The following ETV6 variants were observed in gnomAD, a reference collection of about 807,000 sequenced individuals.
The protein encoded by ETV6 is ETS variant transcription factor 6.
Under a neutral mutation model 51.1 loss-of-function variants are expected in ETV6, and 16 were observed. The observed-to-expected ratio is 0.31, with a 90% CI of 0.21 to 0.48. The LOEUF (loss-of-function observed/expected upper bound fraction) is 0.48. Ranked by LOEUF, ETV6 falls within the 20% of genes least tolerant of loss-of-function variation. The pLI, the probability that ETV6 is intolerant of heterozygous loss-of-function variation, is 0.99. For missense variants in ETV6, 458 were observed against 594.8 expected (o/e 0.77, Z 2.39); for synonymous variants, 240 against 224.1 (o/e 1.07, Z -0.64).
intron 5 of ETV6, among the ~76,000 whole-genome samples, chr12:11,877,927 C>T (rs1400159532): frequency 6.6e-6 from 1 of 152,206 alleles, no homozygotes; most frequent in Non-Finnish European, 1.5e-5. Flanking sequence ...GCTGAGCTGC[C>T]ATCCTGCCCA....
At chr12:11,755,266 A>C (rs1944990362) in intron 2 of ETV6, among the ~76,000 whole-genome samples, 3 of 152,226 alleles carry the variant, frequency 2.0e-5, no homozygotes, top group African/African-American at 7.2e-5. Flanking sequence ...AGACAGCTAT[A>C]AAATATAGAA....
intron 2 of ETV6, among the ~76,000 whole-genome samples, chr12:11,813,386 C>G (rs1221330261): frequency 6.6e-6 from 1 of 152,194 alleles, no homozygotes; most frequent in South Asian, 2.1e-4. Flanking sequence ...TCTGAGCAAC[C>G]CAGCTCTTGC....
intron 5 of ETV6, among the ~76,000 whole-genome samples, chr12:11,883,194 C>T (rs773456913): frequency 9.4e-5 from 14 of 149,478 alleles, no homozygotes; most frequent in South Asian, 8.5e-4. Flanking sequence ...TCTCCAGGTT[C>T]TGCTGGAGGG....
chr12:11,758,031 G>A (rs924136095), intron 2 of ETV6, among the ~76,000 whole-genome samples: 2 of 152,180 alleles, frequency 1.3e-5, no homozygotes, highest in Admixed American at 1.3e-4. Context: ...CTCTGAGAGT[G>A]GGCTCAATCC....
intron 2 of ETV6, among the ~76,000 whole-genome samples, chr12:11,760,386 G>GT (rs1945066973): frequency 6.6e-6 from 1 of 152,176 alleles, no homozygotes; most frequent in African/African-American, 2.4e-5. Context: ...GGTGGATGAC[G>GT]ATTGGATACC....
At chr12:11,772,565 A>G (rs916218837) in intron 2 of ETV6, among the ~76,000 whole-genome samples, 2 of 152,208 alleles carry the variant, frequency 1.3e-5, no homozygotes, top group African/African-American at 2.4e-5. Context: ...TCTTTGGGGT[A>G]TAGGGGAGTT....
At chr12:11,752,671 T>G in intron 2 of ETV6, 92 bp downstream of exon 2, 2 of 1,475,752 alleles carry the variant, frequency 1.4e-6, no homozygotes, top group South Asian at 1.3e-5. Flanking sequence ...GGGCAAGCTC[T>G]GAGGTGGTTT....
rs554198896 is a variant in ETV6, at chr12:11,704,112, C to T, written c.34-48338C>T. On this transcript the variant is annotated intron_variant, in intron 1 of 7. Transcript: ENST00000396373. ...TCTGTTTACTCATTATTTCGTCTGT[C>T]TCACCGTTCCAAGGTAAGCACCGTG... Among the ~76,000 whole-genome samples the T allele has an allele frequency of 3.1e-4, 47 of 152,294 alleles. No individual in the cohort carries two copies. The East Asian group carries it at 8.1e-3, about 26-fold the overall frequency.
intron 7 of ETV6, among the ~76,000 whole-genome samples, chr12:11,887,931 G>A (rs1947223371): frequency 6.6e-6 from 1 of 152,116 alleles, no homozygotes; most frequent in Non-Finnish European, 1.5e-5. Flanking sequence ...ACTCTATTCT[G>A]TGTTGCAGGG....
chr12:11,864,625 C>T (rs1419620574), intron 4 of ETV6, among the ~76,000 whole-genome samples: 1 of 152,108 alleles, frequency 6.6e-6, no homozygotes, highest in South Asian at 2.1e-4. Context: ...GAAAGTTTGC[C>T]TTGTCTACAA....
intron 1 of ETV6, among the ~76,000 whole-genome samples, chr12:11,745,954 C>T (rs1015048804): frequency 4.6e-5 from 7 of 152,114 alleles, no homozygotes; most frequent in Non-Finnish European, 8.8e-5. Context: ...TGGATAAATT[C>T]GAATGGCTAC....
intron 2 of ETV6, among the ~76,000 whole-genome samples, chr12:11,821,667 C>T (rs1946082599): frequency 6.6e-6 from 1 of 151,810 alleles, no homozygotes; most frequent in Admixed American, 6.6e-5. Flanking sequence ...AAGACCCCAT[C>T]TCTTAAAAAA....
chr12:11,804,151 G>A (rs904562455), intron 2 of ETV6, among the ~76,000 whole-genome samples: 7 of 152,128 alleles, frequency 4.6e-5, no homozygotes, highest in African/African-American at 1.7e-4. Context: ...GGATATATCA[G>A]TGACCAAAAC....
rs1947373704 is a variant in ETV6 at position 11,895,179 on chromosome 12, G to T, written c.*4133G>T. On this transcript the variant is annotated 3_prime_UTR_variant, in exon 8 of 8. Coordinates refer to ENST00000396373, the MANE Select transcript of ETV6 (RefSeq NM_001987.5). The stretch of plus-strand genomic sequence containing the variant: ...TGTGACCGCAACCACCTGCAAACCA[G>T]AACGACTCTAGAATTTCCTTCCCCG... 1.6e-5 allele frequency: 3 copies of T among 183,926 alleles called. No homozygotes were observed. Among genetic ancestry groups the T allele is most frequent in the Non-Finnish European group, 2.3e-5 (2 of 88,634 alleles). 11.4% of individuals were successfully genotyped at this position (183,926 alleles called of 1,614,324 possible).
intron 1 of ETV6, among the ~76,000 whole-genome samples, chr12:11,747,039 G>A (rs2724635): frequency 0.56 from 84,339 of 151,824 alleles, 24,381 homozygotes; most frequent in Middle Eastern, 0.67. Flanking sequence ...CTTAAGACTG[G>A]TGAAGCGGGC....
At chr12:11,720,787 AC>A (rs1343482486) in intron 1 of ETV6, among the ~76,000 whole-genome samples, 2 of 152,196 alleles carry the variant, frequency 1.3e-5, no homozygotes, top group Non-Finnish European at 2.9e-5. Context: ...GTAAACAGCA[AC>A]CTACCGAATG....
At chr12:11,770,502 T>A (rs567058437) in intron 2 of ETV6, among the ~76,000 whole-genome samples, 2 of 152,278 alleles carry the variant, frequency 1.3e-5, no homozygotes, top group East Asian at 3.9e-4. Flanking sequence ...CAGCCTTCCT[T>A]CTGTGACTTC....
intron 2 of ETV6, among the ~76,000 whole-genome samples, chr12:11,821,524 C>T (rs1254727284): frequency 6.6e-6 from 1 of 151,864 alleles, no homozygotes; most frequent in Non-Finnish European, 1.5e-5. Flanking sequence ...TTAAGCCTAA[C>T]GTGCCTATTA....
At position 11,674,897 on chromosome 12, in the gene ETV6, C is replaced by T. The variant is rs575899128; in HGVS notation, c.33+24737C>T. 1.2e-4 allele frequency among the ~76,000 whole-genome samples: 18 copies of T among 152,222 alleles called. No homozygotes were observed. The South Asian group carries it at 1.7e-3, about 14-fold the overall frequency. ...CAATTCCCCGCTTCCCTAAGGATGA[C>T]GGGTAAATCTGGTGAGACCCGCTGC... is the stretch of plus-strand genomic sequence containing the variant. On this transcript the variant is annotated intron_variant, in intron 1 of 7. Transcript: ENST00000396373.
Sources: allele counts gnomAD v4.1 joint callset (sites outside exome capture counted in the v4.1 genomes callset), GRCh38; gene constraint gnomAD v4.1.1; transcripts MANE v1.5; gene names NCBI Gene and HGNC (gene_info 2026-07-23, HGNC 2026-07-21).